GTF2F2: variants seen among roughly 807,000 people sequenced by gnomAD.
The protein encoded by GTF2F2 is general transcription factor IIF subunit 2.
Under a neutral mutation model 42.2 loss-of-function variants are expected in GTF2F2, and 23 were observed. The ratio of observed to expected loss-of-function variants is 0.55; its 90% CI spans 0.39 to 0.77. GTF2F2 has a LOEUF of 0.77. Ranked by LOEUF, GTF2F2 falls within the 30% of genes least tolerant of loss-of-function variation. GTF2F2 has a pLI of 0.00. For missense variants in GTF2F2, 261 were observed against 287.2 expected (o/e 0.91, Z 0.66); for synonymous variants, 105 against 100.8 (o/e 1.04, Z -0.25).
intron 5 of GTF2F2, among the ~76,000 whole-genome samples, chr13:45,233,253 G>A (rs890778254): frequency 5.3e-5 from 8 of 151,824 alleles, no homozygotes; most frequent in Admixed American, 2.6e-4. Flanking sequence ...CCCCATCTCT[G>A]CAATATAAAA....
rs1372855904 is a variant in GTF2F2, at chr13:45,267,356, G to T, written c.610G>T (p.Asp204Tyr). The T allele has an allele frequency of 6.2e-7, 1 of 1,609,102 alleles. No individual in the cohort carries two copies. Among genetic ancestry groups the T allele is most frequent in the South Asian group, 1.1e-5 (1 of 90,594 alleles). ...ATACTATAATCTTAAGGACTTGGTG[G>T]ACATCACAAAGCAACCTGTGGTATG... ...HQYYNLKDLVDITKQPVVYLK... is the reference protein window; with the variant it reads ...HQYYNLKDLVYITKQPVVYLK... Residue 204 changes from aspartate to tyrosine, a missense_variant, in exon 7 of 8, where the codon GAC (aspartate) becomes TAC (tyrosine). Transcript: ENST00000340473.
At chr13:45,220,496 A>G (rs947775288) in intron 5 of GTF2F2, among the ~76,000 whole-genome samples, 2 of 152,106 alleles carry the variant, frequency 1.3e-5, no homozygotes, top group South Asian at 4.1e-4. Flanking sequence ...TCATATAAGT[A>G]TTTTCCATAC....
intron 4 of GTF2F2, among the ~76,000 whole-genome samples, chr13:45,168,025 T>C (rs1871381969): frequency 6.6e-6 from 1 of 152,230 alleles, no homozygotes; most frequent in Admixed American, 6.5e-5. Context: ...TTTGACACAT[T>C]TTTTTCCTTA....
chr13:45,209,422 TGAC>T (rs1873545154), intron 5 of GTF2F2, among the ~76,000 whole-genome samples: 1 of 152,240 alleles, frequency 6.6e-6, no homozygotes, highest in Non-Finnish European at 1.5e-5. Flanking sequence ...AAGCCATGCA[TGAC>T]TGTATTTTAA....
At chr13:45,182,915 A>G (rs1872233689) in intron 4 of GTF2F2, among the ~76,000 whole-genome samples, 1 of 152,022 alleles carries the variant, frequency 6.6e-6, no homozygotes, top group Non-Finnish European at 1.5e-5. Context: ...TTTTTCTTGT[A>G]GCACACTCGT....
chr13:45,228,417 C>T (rs1271109906), intron 5 of GTF2F2, among the ~76,000 whole-genome samples: 2 of 150,396 alleles, frequency 1.3e-5, no homozygotes. Context: ...CTATCTTGCC[C>T]ACCCCTCCAG....
chr13:45,206,713 C>T (rs951775472), intron 4 of GTF2F2: 1 of 152,212 alleles, frequency 6.6e-6, no homozygotes, highest in East Asian at 1.9e-4. Context: ...ACAATAGATG[C>T]TAGCCTTTGT....
chr13:45,124,029 T>C (rs1314463824), intron 1 of GTF2F2: 47 of 1,136,016 alleles, frequency 4.1e-5, no homozygotes, highest in Non-Finnish European at 5.5e-5. Context: ...TTAGAGGCCA[T>C]GTGGGCCATG....
intron 4 of GTF2F2, among the ~76,000 whole-genome samples, chr13:45,176,820 G>T (rs887744980): frequency 6.0e-5 from 9 of 151,244 alleles, no homozygotes; most frequent in African/African-American, 4.9e-5. Flanking sequence ...GGACGGTCTC[G>T]CTCCACCCAG....
intron 5 of GTF2F2, among the ~76,000 whole-genome samples, chr13:45,246,692 A>G (rs1170553748): frequency 2.0e-5 from 3 of 152,186 alleles, no homozygotes; most frequent in Non-Finnish European, 4.4e-5. Context: ...GACAGTCCAT[A>G]TATTTCCTAC....
intron 4 of GTF2F2, among the ~76,000 whole-genome samples, chr13:45,196,050 AG>A (rs1872874942): frequency 6.6e-6 from 1 of 152,220 alleles, no homozygotes; most frequent in African/African-American, 2.4e-5. Flanking sequence ...ATATTGGAAG[AG>A]ATTCTTCTAA....
chr13:45,252,619 C>G (rs1464858168), intron 5 of GTF2F2, among the ~76,000 whole-genome samples: 1 of 152,000 alleles, frequency 6.6e-6, no homozygotes, highest in East Asian at 1.9e-4. Context: ...TTAAGATTTG[C>G]CTATATAATA....
At chr13:45,191,030 C>T (rs1459512290) in intron 4 of GTF2F2, among the ~76,000 whole-genome samples, 1 of 150,362 alleles carries the variant, frequency 6.7e-6, no homozygotes, top group African/African-American at 2.5e-5. Context: ...TTTGAAAAGT[C>T]TCGTGTTTCA....
intron 1 of GTF2F2, among the ~76,000 whole-genome samples, chr13:45,136,201 T>C (rs1303900525): frequency 6.6e-6 from 1 of 152,232 alleles, no homozygotes; most frequent in Non-Finnish European, 1.5e-5. Context: ...GAGGATTAAA[T>C]GTGTCAATCT....
At chr13:45,207,265 T>C (rs1873454266) in intron 4 of GTF2F2, 159 bp from the exon 5 acceptor site, 2 of 553,390 alleles carry the variant, frequency 3.6e-6, no homozygotes, top group Non-Finnish European at 6.4e-6. Flanking sequence ...ATAAGGCTTC[T>C]CTCTGTTCTG....
chr13:45,242,431 CAT>C (rs775258007), intron 5 of GTF2F2, among the ~76,000 whole-genome samples: 1 of 152,034 alleles, frequency 6.6e-6, no homozygotes. Flanking sequence ...ATGAAATACA[CAT>C]GTTTAGAAAA....
intron 1 of GTF2F2, among the ~76,000 whole-genome samples, chr13:45,132,262 T>A (rs1313758988): frequency 1.3e-5 from 2 of 152,208 alleles, no homozygotes; most frequent in Non-Finnish European, 2.9e-5. Flanking sequence ...CTTCAAAGTC[T>A]CTCACTGGCG....
chr13:45,191,143 G>A (rs1307944752), intron 4 of GTF2F2, among the ~76,000 whole-genome samples: 1 of 147,180 alleles, frequency 6.8e-6, no homozygotes, highest in Non-Finnish European at 1.5e-5. Context: ...AGGCCGAGGT[G>A]GGTGGATCAC....
Position 45,209,381 on chromosome 13 carries a change from A to G in GTF2F2, c.386+1876A>G, listed in dbSNP as rs372896174. 1.1e-3 allele frequency among the ~76,000 whole-genome samples: 165 copies of G among 152,340 alleles called. 1 individual carries two copies. Among genetic ancestry groups the G allele is most frequent in the African/African-American group, 3.9e-3 (163 of 41,576 alleles). Reference sequence around the variant, plus strand: ...TTGCACAACAGTGAAATTGCCTAACAATGTATTTCTCATGAGGTATCCCCA... The same window carrying G: ...TTGCACAACAGTGAAATTGCCTAACGATGTATTTCTCATGAGGTATCCCCA... On this transcript the variant is annotated intron_variant, in intron 5 of 7. Transcript: ENST00000340473.
Sources: gnomAD v4.1 joint callset for allele counts (sites outside exome capture counted in the v4.1 genomes callset) on GRCh38, gnomAD v4.1.1 for gene constraint, MANE v1.5 for transcripts, NCBI Gene and HGNC (gene_info 2026-07-23, HGNC 2026-07-21) for gene names.